The following SLAIN1 variants were observed in gnomAD, a reference collection of about 807,000 sequenced individuals.
The protein encoded by SLAIN1 is SLAIN motif-containing protein 1.
SLAIN1 carries 17 observed loss-of-function variants against 55.4 expected under a neutral mutation model. That is an observed-to-expected ratio of 0.31 (90% confidence interval 0.21 to 0.46). The LOEUF is 0.46. Among genes scored for constraint, SLAIN1 ranks in the 20% least tolerant of loss-of-function variants. SLAIN1 has a pLI of 1.00. For synonymous variants in SLAIN1, 348 were observed against 337.4 expected (o/e 1.03, Z -0.35); for missense variants, 682 against 785.1 (o/e 0.87, Z 1.57).
intron 2 of SLAIN1, among the ~76,000 whole-genome samples, chr13:77,739,420 AT>A (rs1195968983): frequency 4.6e-5 from 7 of 152,112 alleles, no homozygotes; most frequent in African/African-American, 1.7e-4. Context: ...AGGTACTGAA[AT>A]GACTGTAGTG....
chr13:77,704,200 A>ATATATGTACATATGTTTTCTATG (rs1406190594), intron 1 of SLAIN1, among the ~76,000 whole-genome samples: 1 of 135,362 alleles, frequency 7.4e-6, no homozygotes, highest in Non-Finnish European at 1.5e-5. Context: ...TACATAGAAA[A>ATATATGTACATATGTTTTCTATG]TATATATACA....
chr13:77,754,367 A>G (rs1209941605), intron 5 of SLAIN1, among the ~76,000 whole-genome samples: 2 of 152,140 alleles, frequency 1.3e-5, no homozygotes, highest in Non-Finnish European at 2.9e-5. Context: ...TCATTATCTT[A>G]TTTAGTTCTA....
chr13:77,711,311 AATAG>A (rs758633416), intron 1 of SLAIN1, among the ~76,000 whole-genome samples: 17 of 152,332 alleles, frequency 1.1e-4, no homozygotes, highest in Non-Finnish European at 1.5e-4. Context: ...AGACCAACAA[AATAG>A]ATAGACCGCT....
At chr13:77,699,859 A>AGCCCAGGGTGTATT (rs11275649) in intron 1 of SLAIN1, among the ~76,000 whole-genome samples, 60,301 of 151,884 alleles carry the variant, frequency 0.4, 13,118 homozygotes, top group African/African-American at 0.57. Context: ...ATTTCTGTAA[A>AGCCCAGGGTGTATT]GTAATCTCAG....
chr13:77,721,996 GTTTTT>G (rs11431197), intron 2 of SLAIN1, among the ~76,000 whole-genome samples: 5,788 of 145,272 alleles, frequency 0.04, 199 homozygotes, highest in Admixed American at 0.079. Flanking sequence ...ATAAGGTTAG[GTTTTT>G]TTTTCTTTTC....
intron 6 of SLAIN1, 98 bp from the exon 7 acceptor site, chr13:77,763,047 C>T (rs1038560971): frequency 1.0e-5 from 10 of 978,416 alleles, no homozygotes; most frequent in Non-Finnish European, 1.6e-5. Flanking sequence ...CTCATTACTG[C>T]AGTGGAAGAA....
intron 2 of SLAIN1, among the ~76,000 whole-genome samples, chr13:77,724,832 T>C (rs2091293127): frequency 6.6e-6 from 1 of 152,208 alleles, no homozygotes; most frequent in African/African-American, 2.4e-5. Flanking sequence ...GTTGGTGTGC[T>C]GCACCCAGTA....
Position 77,733,908 on chromosome 13 carries a change from C to T in SLAIN1, c.767-10375C>T, listed in dbSNP as rs530877110. ...ATATGTTACTGCTCCAGAAGGGTTG[C>T]TCAGGTTGGAGCCAAGTCAGCAGCA... On this transcript the variant is annotated intron_variant, in intron 2 of 6. Coordinates refer to ENST00000418532, the MANE Select transcript of SLAIN1 (RefSeq NM_001242868.2). 3.3e-5 allele frequency among the ~76,000 whole-genome samples: 5 copies of T among 152,260 alleles called. 1 individual carries two copies. The South Asian group carries it at 1.0e-3, about 32-fold the overall frequency.
intron 2 of SLAIN1, among the ~76,000 whole-genome samples, chr13:77,727,407 T>C (rs2091316837): frequency 6.6e-6 from 1 of 151,260 alleles, no homozygotes; most frequent in South Asian, 2.1e-4. Flanking sequence ...GATTGACTAA[T>C]TTGAGTATGT....
rs1246835555 is a variant in SLAIN1 at position 77,698,007 on chromosome 13, C to T, written c.94C>T (p.Leu32=). 5 of 1,436,288 alleles carry T rather than the reference C, an allele frequency of 3.5e-6. No homozygotes were observed. Among genetic ancestry groups the T allele is most frequent in the Non-Finnish European group, 4.6e-6 (5 of 1,084,092 alleles). The allele number at this position is 1,436,288 out of a possible 1,614,324, so 89.0% of individuals were successfully genotyped here. A position where few individuals can be genotyped will look rare whatever the true frequency, so the allele number is the denominator to read the frequency against. ...VVNAELEVKK[L]QELVRKLEKQ... The stretch of plus-strand genomic sequence containing the variant: ...GAACGCGGAGCTGGAGGTGAAGAAG[C>T]TGCAGGAGCTGGTGCGCAAGCTGGA... The change falls in exon 1 of 7, where the codon CTG becomes TTG. Residue 32 remains leucine, a synonymous_variant. Coordinates refer to ENST00000418532, the MANE Select transcript of SLAIN1 (RefSeq NM_001242868.2). The surrounding 1 kb of genome is among the most constrained non-coding windows in gnomAD (Gnocchi z 4.1).
chr13:77,762,218 A>G (rs1174608230), intron 6 of SLAIN1, among the ~76,000 whole-genome samples: 5 of 152,172 alleles, frequency 3.3e-5, no homozygotes, highest in Non-Finnish European at 7.4e-5. Context: ...CTGTGTCATC[A>G]TGCTGATGGC....
At chr13:77,727,941 C>T (rs964821007) in intron 2 of SLAIN1, among the ~76,000 whole-genome samples, 3 of 152,144 alleles carry the variant, frequency 2.0e-5, no homozygotes, top group African/African-American at 7.2e-5. Flanking sequence ...TGCCTGGCTA[C>T]TTATACTTCA....
chr13:77,742,913 C>A, intron 2 of SLAIN1: 1 of 674,268 alleles, frequency 1.5e-6, no homozygotes. Flanking sequence ...TGAAAAGTTG[C>A]TTTGTCTTTT....
At chr13:77,745,489 G>T (rs764999516) in intron 3 of SLAIN1, among the ~76,000 whole-genome samples, 2 of 152,010 alleles carry the variant, frequency 1.3e-5, no homozygotes, top group Non-Finnish European at 2.9e-5. Flanking sequence ...GTAGAAATAG[G>T]ATAGTTTTTC....
chr13:77,735,831 C>A (rs1374407343), intron 2 of SLAIN1, among the ~76,000 whole-genome samples: 1 of 152,014 alleles, frequency 6.6e-6, no homozygotes, highest in Non-Finnish European at 1.5e-5. Context: ...GCCTTCCAGA[C>A]CCCATCTAAC....
chr13:77,720,068 T>C (rs2091247222), intron 2 of SLAIN1, among the ~76,000 whole-genome samples: 1 of 152,148 alleles, frequency 6.6e-6, no homozygotes, highest in Non-Finnish European at 1.5e-5. Flanking sequence ...TTACTGAGTG[T>C]CTTTAACATT....
Position 77,697,764 on chromosome 13 carries a change from C to A in SLAIN1, c.-150C>A. ...CGCGGCCGGAGGCGAGGGCCCGGTG[C>A]TGATGCGAACCGCCGGCTCGGCCTC... On this transcript the variant is annotated 5_prime_UTR_variant, in exon 1 of 7. In the 5' UTR this introduces an upstream ATG that the reference lacks. Coordinates refer to ENST00000418532, the MANE Select transcript of SLAIN1 (RefSeq NM_001242868.2). 1.3e-6 allele frequency: 1 copy of A among 750,988 alleles called. No individual in the cohort carries two copies. The highest frequency in any genetic ancestry group is 1.7e-6 in the Non-Finnish European group (1 of 574,186). The allele number at this position is 750,988 out of a possible 1,614,324, so 46.5% of individuals were successfully genotyped here.
Position 77,763,169 on chromosome 13 carries a change from G to A in SLAIN1, c.1722G>A (p.Leu574=), listed in dbSNP as rs1875189992. 5.0e-6 allele frequency: 8 copies of A among 1,614,040 alleles called. No homozygotes were observed. The highest frequency in any genetic ancestry group is 6.8e-6 in the Non-Finnish European group (8 of 1,179,962). The change falls in exon 7 of 7, where the codon CTG becomes CTA. Residue 574 remains leucine (L), a synonymous_variant. Transcript: ENST00000418532. ...GTTTTCTTCAGCCTCCAAAGCCTCT[G>A]TCTTCACTCAGCACTCTGAGGGATG... The part of the protein sequence containing the change: ...VRSFLQPPKP[L]SSLSTLRDGN...
Position 77,698,281 on chromosome 13 carries a change from C to A in SLAIN1, c.368C>A (p.Pro123Gln). 7.0e-7 allele frequency: 1 copy of A among 1,426,420 alleles called. No individual in the cohort carries two copies. 88.4% of individuals were successfully genotyped at this position (1,426,420 alleles called of 1,614,324 possible). Residue 123 changes from proline to glutamine, a missense_variant, in exon 1 of 7, where the codon CCG (proline) becomes CAG (glutamine). Around this residue, in one of 3 missense-constraint regions of SLAIN1, gnomAD observed 401 missense variants for 417.3 expected, o/e 0.96. Transcript: ENST00000418532. This position sits in a 1 kb window ranked among gnomAD's most constrained non-coding sequence, Gnocchi z 4.1. Reference sequence around the variant, plus strand: ...GGCGGTGGCTCCAGCCCCGCGTTCCCGGGCACCTTCTGCCTGCCTAGCCCC... The same window carrying A: ...GGCGGTGGCTCCAGCCCCGCGTTCCAGGGCACCTTCTGCCTGCCTAGCCCC... ...GSGGGSSPAFPGTFCLPSPAP... is the reference protein window; with the variant it reads ...GSGGGSSPAFQGTFCLPSPAP...
Sources: gnomAD v4.1 joint callset for allele counts (sites outside exome capture counted in the v4.1 genomes callset) on GRCh38, gnomAD v4.1.1 for gene constraint, gnomAD v4.1.1 regional missense constraint, Gnocchi (gnomAD v3.1) non-coding constraint, MANE v1.5 for transcripts, NCBI Gene and HGNC (gene_info 2026-07-23, HGNC 2026-07-21) for gene names.